The following GPM6A variants were observed in gnomAD, a reference collection of about 807,000 sequenced individuals.
GPM6A encodes the protein neuronal membrane glycoprotein M6-a.
In GPM6A, 7 loss-of-function variants were observed where a neutral mutation model predicts 32.1. The observed-to-expected ratio is 0.22, with a 90% CI of 0.12 to 0.41. The LOEUF is 0.41. Ranked by LOEUF, GPM6A falls within the 10% of genes least tolerant of loss-of-function variation. GPM6A has a pLI of 1.00. For missense variants in GPM6A, 235 were observed against 347.2 expected (o/e 0.68, Z 2.57); for synonymous variants, 130 against 123.4 (o/e 1.05, Z -0.35).
At chr4:175,956,159 A>C (rs1358649754) in intron 1 of GPM6A, among the ~76,000 whole-genome samples, 2 of 152,206 alleles carry the variant, frequency 1.3e-5, no homozygotes, top group Admixed American at 1.3e-4. Context: ...ATTGGTCATC[A>C]AAATTTAAAA....
intron 1 of GPM6A, among the ~76,000 whole-genome samples, chr4:175,795,122 G>T (rs1478027404): frequency 6.6e-6 from 1 of 152,178 alleles, no homozygotes. Context: ...AAATATAGAG[G>T]AAAGTGTGAA....
At chr4:175,654,736 G>A (rs1382179686) in intron 3 of GPM6A, among the ~76,000 whole-genome samples, 1 of 151,876 alleles carries the variant, frequency 6.6e-6, no homozygotes, top group African/African-American at 2.4e-5. Flanking sequence ...ACCTTTGGGG[G>A]AAAAAATCTT....
At chr4:175,977,851 G>T (rs1405041952) in intron 1 of GPM6A, among the ~76,000 whole-genome samples, 1 of 152,144 alleles carries the variant, frequency 6.6e-6, no homozygotes, top group African/African-American at 2.4e-5. Flanking sequence ...GAAAGAAAGT[G>T]TGACTCCCAA....
At chr4:175,846,202 T>G (rs1736082028) in intron 1 of GPM6A, among the ~76,000 whole-genome samples, 1 of 152,148 alleles carries the variant, frequency 6.6e-6, no homozygotes. Flanking sequence ...AATGCTCATT[T>G]TTTGTACATA....
chr4:175,872,829 T>A (rs1018730918), intron 1 of GPM6A: 4 of 152,172 alleles, frequency 2.6e-5, no homozygotes, highest in Non-Finnish European at 4.4e-5. Context: ...TTCTAAAATT[T>A]ACACTTCTGT....
intron 1 of GPM6A, among the ~76,000 whole-genome samples, chr4:175,727,404 G>A (rs1477390003): frequency 6.6e-6 from 1 of 152,080 alleles, no homozygotes; most frequent in Non-Finnish European, 1.5e-5. Flanking sequence ...TAAATTTAAT[G>A]GAGAATGCAA....
At chr4:175,787,525 T>C (rs1213271120) in intron 1 of GPM6A, 2 of 1,447,108 alleles carry the variant, frequency 1.4e-6, no homozygotes, top group Admixed American at 5.2e-5. Flanking sequence ...TTTAGGTTGA[T>C]TTCATCAGTA....
At chr4:175,995,857 C>T (rs1579696180) in intron 1 of GPM6A, among the ~76,000 whole-genome samples, 1 of 152,128 alleles carries the variant, frequency 6.6e-6, no homozygotes, top group Admixed American at 6.5e-5. Context: ...TATCATACTG[C>T]TTTCTAGAAT....
intron 1 of GPM6A, among the ~76,000 whole-genome samples, chr4:175,817,276 A>T (rs558767622): frequency 6.6e-6 from 1 of 152,322 alleles, no homozygotes; most frequent in East Asian, 1.9e-4. Flanking sequence ...CAATTCACAG[A>T]ATGATCGTGG....
chr4:175,977,925 C>T (rs1176244356), intron 1 of GPM6A, among the ~76,000 whole-genome samples: 2 of 152,172 alleles, frequency 1.3e-5, no homozygotes, highest in African/African-American at 2.4e-5. Context: ...CCTTCGCATG[C>T]GCACCACTTA....
intron 1 of GPM6A, chr4:175,795,951 C>T (rs527454686): frequency 1.3e-5 from 2 of 152,302 alleles, no homozygotes; most frequent in African/African-American, 4.8e-5. Flanking sequence ...GCAGATTACT[C>T]CCCCCACCCC....
intron 1 of GPM6A, chr4:175,971,007 G>C (rs1372013600): frequency 4.9e-6 from 2 of 409,386 alleles, no homozygotes; most frequent in African/African-American, 4.2e-5. Context: ...AGTGAAAGTT[G>C]CAAATACAAT....
chr4:175,643,919 C>T (rs934665163), intron 4 of GPM6A, among the ~76,000 whole-genome samples: 11 of 152,254 alleles, frequency 7.2e-5, no homozygotes, highest in Admixed American at 7.2e-4. Context: ...CGGTCCTTCC[C>T]AAGTGCCGGC....
intron 1 of GPM6A, among the ~76,000 whole-genome samples, chr4:175,720,707 A>T (rs1746073367): frequency 6.6e-6 from 1 of 152,122 alleles, no homozygotes; most frequent in African/African-American, 2.4e-5. Context: ...CTTTTGTACA[A>T]GAAGGATAAG....
At chr4:175,942,754 A>G (rs2126347439) in intron 1 of GPM6A, among the ~76,000 whole-genome samples, 1 of 152,306 alleles carries the variant, frequency 6.6e-6, no homozygotes, top group Admixed American at 6.5e-5. Context: ...TTTTGGTACC[A>G]GTACCATGCT....
At chr4:175,776,262 CCT>C (rs1433923096) in intron 1 of GPM6A, among the ~76,000 whole-genome samples, 1 of 152,134 alleles carries the variant, frequency 6.6e-6, no homozygotes, top group African/African-American at 2.4e-5. Flanking sequence ...TGACTTACCC[CCT>C]GTGTTAAGTC....
intron 1 of GPM6A, among the ~76,000 whole-genome samples, chr4:175,896,777 A>G (rs906387355): frequency 6.6e-6 from 1 of 152,086 alleles, no homozygotes; most frequent in Non-Finnish European, 1.5e-5. Flanking sequence ...TAGTAAAGCA[A>G]CTTGCCATCA....
intron 1 of GPM6A, among the ~76,000 whole-genome samples, chr4:175,793,359 CTATTCTATT>C (rs892715387): frequency 7.4e-5 from 7 of 94,232 alleles, no homozygotes; most frequent in South Asian, 4.4e-4. Context: ...GTATTCTATT[CTATTCTATT>C]TATTTATTTA....
In GPM6A at chr4:175,669,059, T is replaced by C. The variant is rs966604599; in HGVS notation, c.387+4621A>G. Among the ~76,000 whole-genome samples, 5 of 152,188 alleles carry C rather than the reference T, an allele frequency of 3.3e-5. No homozygotes were observed. The East Asian group carries it at 9.6e-4, about 29-fold the overall frequency. On this transcript the variant is annotated intron_variant, in intron 3 of 6. Coordinates refer to ENST00000393658, the MANE Select transcript of GPM6A (RefSeq NM_201591.3). Reference sequence around the variant, plus strand: ...TTCATCTCTGAAATGAGGATAATTCTAGTATCTACATGACATAGTTTATCA... The same window carrying C: ...TTCATCTCTGAAATGAGGATAATTCCAGTATCTACATGACATAGTTTATCA...
Sources: allele counts gnomAD v4.1 joint callset (sites outside exome capture counted in the v4.1 genomes callset), GRCh38; gene constraint gnomAD v4.1.1; transcripts MANE v1.5; gene names NCBI Gene and HGNC (gene_info 2026-07-23, HGNC 2026-07-21).